LUZP2: variants seen among roughly 807,000 people sequenced by gnomAD.
The protein encoded by LUZP2 is leucine zipper protein 2.
In LUZP2, 52 loss-of-function variants were observed where a neutral mutation model predicts 51.6. The ratio of observed to expected loss-of-function variants is 1.01; its 90% confidence interval spans 0.81 to 1.27. LUZP2 has a LOEUF of 1.27. LUZP2 is among the 50% of genes most tolerant of loss of function. LUZP2 has a pLI of 0.00. For missense variants in LUZP2, 436 were observed against 395.4 expected, an observed-to-expected ratio of 1.10 and a Z score of -0.87; for synonymous variants, 154 against 137.3, an observed-to-expected ratio of 1.12 and a Z score of -0.85.
chr11:25,067,303 C>G (rs1218380461), intron 10 of LUZP2, among the ~76,000 whole-genome samples: 1 of 151,962 alleles, frequency 6.6e-6, no homozygotes, highest in Non-Finnish European at 1.5e-5. Flanking sequence ...GAATAGATTG[C>G]AAAAATTTTC....
intron 7 of LUZP2, among the ~76,000 whole-genome samples, chr11:24,932,701 GA>G (rs199812114): frequency 0.012 from 1,866 of 152,242 alleles, 48 homozygotes; most frequent in African/African-American, 0.041. Flanking sequence ...AAGCAGGACT[GA>G]GAACTTGCCC....
intron 1 of LUZP2, among the ~76,000 whole-genome samples, chr11:24,684,336 T>G (rs1856834893): frequency 6.6e-6 from 1 of 152,244 alleles, no homozygotes; most frequent in Non-Finnish European, 1.5e-5. Context: ...CTATTTCATC[T>G]GAACTTCCCT....
chr11:24,515,623 T>G (rs1161661124), intron 1 of LUZP2, among the ~76,000 whole-genome samples: 1 of 152,144 alleles, frequency 6.6e-6, no homozygotes, highest in Non-Finnish European at 1.5e-5. Flanking sequence ...CCTATGGGTT[T>G]CAAAACGTAG....
intron 5 of LUZP2, among the ~76,000 whole-genome samples, chr11:24,876,638 G>A (rs1276290694): frequency 6.6e-6 from 1 of 151,772 alleles, no homozygotes; most frequent in Admixed American, 6.6e-5. Context: ...TGTGAAGAAA[G>A]TCATTGGTAG....
intron 5 of LUZP2, among the ~76,000 whole-genome samples, chr11:24,845,485 T>C (rs1851171413): frequency 1.3e-5 from 2 of 152,130 alleles, no homozygotes; most frequent in African/African-American, 4.8e-5. Context: ...TGGGGGACTG[T>C]TGGGAACACA....
intron 7 of LUZP2, among the ~76,000 whole-genome samples, chr11:24,945,896 C>T (rs1854885673): frequency 6.6e-6 from 1 of 152,092 alleles, no homozygotes; most frequent in Non-Finnish European, 1.5e-5. Flanking sequence ...CTTGTGCAAC[C>T]ATCACTAGAA....
Position 24,864,636 on chromosome 11 carries a change from C to T in LUZP2, c.397-41355C>T, listed in dbSNP as rs140286543. On this transcript the variant is annotated intron_variant, in intron 5 of 11. Coordinates refer to ENST00000336930, the MANE Select transcript of LUZP2 (RefSeq NM_001009909.4). ...TCAGATACATTAGGTGATTCTTTTA[C>T]ATTCCATGTTAGTGAAAAAGAACAA... Among the ~76,000 whole-genome samples the T allele has an allele frequency of 2.6e-5, 4 of 152,290 alleles. No homozygotes were observed. The East Asian group carries it at 7.7e-4, about 29-fold the overall frequency.
chr11:24,631,707 G>A (rs141812154), intron 1 of LUZP2, among the ~76,000 whole-genome samples: 7 of 151,882 alleles, frequency 4.6e-5, no homozygotes, highest in East Asian at 1.9e-4. Context: ...TACTAGCCTC[G>A]TGGAATAAGC....
At position 25,082,605 on chromosome 11, in the gene LUZP2, G is replaced by A. The variant is rs964767768; in HGVS notation, c.*3947G>A. On this transcript the variant is annotated 3_prime_UTR_variant, in exon 12 of 12. Coordinates refer to ENST00000336930, the MANE Select transcript of LUZP2 (RefSeq NM_001009909.4). Reference sequence around the variant, plus strand: ...GAAGAATAAAAGATGCTGAAAGATGGCCTATTTTTGTTCAATAAAGATTGT... The same window carrying A: ...GAAGAATAAAAGATGCTGAAAGATGACCTATTTTTGTTCAATAAAGATTGT... The A allele has an allele frequency of 1.3e-5, 2 of 152,026 alleles. No homozygotes were observed. Among genetic ancestry groups the A allele is most frequent in the South Asian group, 2.1e-4 (1 of 4,824 alleles). 9.4% of individuals were successfully genotyped at this position (152,026 alleles called of 1,614,324 possible). A position where few individuals can be genotyped will look rare whatever the true frequency, so the allele number is the denominator to read the frequency against.
chr11:24,794,039 A>T (rs1230062822), intron 5 of LUZP2, among the ~76,000 whole-genome samples: 1 of 152,102 alleles, frequency 6.6e-6, no homozygotes, highest in Non-Finnish European at 1.5e-5. Context: ...TGTGTTTCTC[A>T]TTTCAAGTAA....
At chr11:24,867,608 G>A (rs1278384199) in intron 5 of LUZP2, among the ~76,000 whole-genome samples, 1 of 152,066 alleles carries the variant, frequency 6.6e-6, no homozygotes, top group East Asian at 1.9e-4. Flanking sequence ...ACATGCTTTT[G>A]TTATTTTCAG....
chr11:24,822,535 C>T (rs1355858226), intron 5 of LUZP2, among the ~76,000 whole-genome samples: 1 of 152,054 alleles, frequency 6.6e-6, no homozygotes, highest in Non-Finnish European at 1.5e-5. Flanking sequence ...ATAAGAATGT[C>T]ATTACACATT....
intron 1 of LUZP2, among the ~76,000 whole-genome samples, chr11:24,622,980 T>C (rs1413898851): frequency 3.3e-5 from 5 of 152,136 alleles, no homozygotes; most frequent in African/African-American, 9.7e-5. Context: ...TTTTGCAAAG[T>C]TTTCTTGATG....
intron 1 of LUZP2, among the ~76,000 whole-genome samples, chr11:24,522,577 G>A (rs1462122026): frequency 6.6e-6 from 1 of 152,008 alleles, no homozygotes; most frequent in Non-Finnish European, 1.5e-5. Flanking sequence ...AAAAGCTCAG[G>A]CCATGTGCTG....
intron 1 of LUZP2, among the ~76,000 whole-genome samples, chr11:24,596,804 CA>C (rs34580681): frequency 1.3e-5 from 2 of 152,116 alleles, no homozygotes; most frequent in Non-Finnish European, 2.9e-5. Context: ...ATGTAGGAAC[CA>C]AAACTATGTA....
chr11:25,064,681 T>A (rs1858947683), intron 10 of LUZP2, among the ~76,000 whole-genome samples: 1 of 152,046 alleles, frequency 6.6e-6, no homozygotes. Context: ...TTTGGCTTAA[T>A]ATCAACATTT....
intron 7 of LUZP2, among the ~76,000 whole-genome samples, chr11:24,951,530 G>A (rs1373213668): frequency 6.6e-6 from 1 of 151,488 alleles, no homozygotes; most frequent in Non-Finnish European, 1.5e-5. Context: ...TTGTGTAAAT[G>A]AATTAACAAA....
chr11:24,840,040 T>C (rs796824972), intron 5 of LUZP2, among the ~76,000 whole-genome samples: 3 of 151,896 alleles, frequency 2.0e-5, no homozygotes, highest in African/African-American at 7.2e-5. Flanking sequence ...AATTAATTGG[T>C]AAATAATACA....
At chr11:25,020,757 T>C (rs1360203720) in intron 9 of LUZP2, among the ~76,000 whole-genome samples, 1 of 150,804 alleles carries the variant, frequency 6.6e-6, no homozygotes, top group Non-Finnish European at 1.5e-5. Context: ...ATTAGGACCC[T>C]CTAATAAATA....
Sources: gnomAD v4.1 joint callset for allele counts (sites outside exome capture counted in the v4.1 genomes callset) on GRCh38, gnomAD v4.1.1 for gene constraint, MANE v1.5 for transcripts, NCBI Gene and HGNC (gene_info 2026-07-23, HGNC 2026-07-21) for gene names.